Variants in FTO observed in about 807,000 individuals in gnomAD.
FTO encodes the protein alpha-ketoglutarate-dependent dioxygenase FTO.
In FTO, 47 loss-of-function variants were observed where a neutral mutation model predicts 63.9. The observed-to-expected ratio is 0.74, with a 90% CI of 0.58 to 0.94. FTO has a LOEUF of 0.94. Among genes scored for constraint, FTO ranks in the 40% least tolerant of loss-of-function variants. FTO has a pLI of 0.00. For missense variants in FTO, 562 were observed against 618.1 expected (o/e 0.91, Z 0.96); for synonymous variants, 207 against 224.4 (o/e 0.92, Z 0.69).
chr16:54,049,141 G>A (rs774668605), intron 8 of FTO, among the ~76,000 whole-genome samples: 1 of 152,148 alleles, frequency 6.6e-6, no homozygotes, highest in African/African-American at 2.4e-5. Flanking sequence ...CAGATGCCAG[G>A]TTATTTGTGA....
chr16:53,982,010 G>A (rs530144593), intron 8 of FTO: 1 of 152,110 alleles, frequency 6.6e-6, no homozygotes, highest in African/African-American at 2.4e-5. Flanking sequence ...AACCCAGGAG[G>A]TGAAGTTTGC....
chr16:53,793,361 G>A (rs1469453346), intron 1 of FTO, among the ~76,000 whole-genome samples: 2 of 151,890 alleles, frequency 1.3e-5, no homozygotes, highest in East Asian at 3.8e-4. Flanking sequence ...TAAAATTGAC[G>A]ATTATAGGTA....
chr16:54,053,367 C>A lies in FTO; in HGVS notation c.1365-58395C>A, dbSNP rs1305433631. 3.3e-5 allele frequency among the ~76,000 whole-genome samples: 5 copies of A among 152,190 alleles called. No individual in the cohort carries two copies. In the East Asian group the frequency reaches 9.6e-4, roughly 29 times the overall value. ...TGTCTCTTATCTCTGTCTTGCTTAA[C>A]TGGGACCAGTTCTTCCCCCTCCCTC... On this transcript the variant is annotated intron_variant, in intron 8 of 8. Transcript: ENST00000471389.
intron 8 of FTO, among the ~76,000 whole-genome samples, chr16:53,978,931 A>G (rs1424836388): frequency 1.3e-5 from 2 of 152,284 alleles, no homozygotes; most frequent in East Asian, 1.9e-4. Flanking sequence ...CTCAGGAGAC[A>G]GAAGTTGCAG....
chr16:53,713,525 G>A (rs2075825245), intron 1 of FTO, among the ~76,000 whole-genome samples: 2 of 152,088 alleles, frequency 1.3e-5, no homozygotes, highest in African/African-American at 4.8e-5. Flanking sequence ...TTGTCTCACT[G>A]GTTGATTTCA....
At chr16:54,016,698 A>G (rs1397519071) in intron 8 of FTO, among the ~76,000 whole-genome samples, 1 of 152,202 alleles carries the variant, frequency 6.6e-6, no homozygotes, top group Non-Finnish European at 1.5e-5. Context: ...AAGTGGGAAG[A>G]TATGAGGCTG....
At chr16:53,874,222 G>T (rs2080583871) in intron 5 of FTO, among the ~76,000 whole-genome samples, 1 of 152,206 alleles carries the variant, frequency 6.6e-6, no homozygotes, top group Non-Finnish European at 1.5e-5. Flanking sequence ...GCTTGTGCAT[G>T]TGTTAGCTGT....
At chr16:53,783,997 C>T (rs1170578864) in intron 1 of FTO, among the ~76,000 whole-genome samples, 1 of 152,070 alleles carries the variant, frequency 6.6e-6, no homozygotes, top group African/African-American at 2.4e-5. Context: ...GATTCTAAAC[C>T]AGGGCTGAGA....
chr16:53,895,725 G>C (rs2081264288), intron 7 of FTO, among the ~76,000 whole-genome samples: 1 of 152,150 alleles, frequency 6.6e-6, no homozygotes, highest in African/African-American at 2.4e-5. Context: ...CTGGTACCAA[G>C]TCCTAGGATG....
At chr16:54,097,845 G>A (rs1158973468) in intron 8 of FTO, among the ~76,000 whole-genome samples, 1 of 152,180 alleles carries the variant, frequency 6.6e-6, no homozygotes, top group Non-Finnish European at 1.5e-5. Flanking sequence ...GAGGGGAGAT[G>A]TTTGCTGTCC....
chr16:53,854,499 A>T (rs1345130911), intron 4 of FTO, among the ~76,000 whole-genome samples: 1 of 152,164 alleles, frequency 6.6e-6, no homozygotes, highest in Non-Finnish European at 1.5e-5. Context: ...ATCCAGTTTC[A>T]TTCTTCTACA....
At chr16:54,058,199 C>T (rs1483611325) in intron 8 of FTO, among the ~76,000 whole-genome samples, 1 of 152,136 alleles carries the variant, frequency 6.6e-6, no homozygotes, top group African/African-American at 2.4e-5. Flanking sequence ...ACCTCCGCCG[C>T]CTCCAGGGTT....
At chr16:54,076,191 T>C (rs963746831) in intron 8 of FTO, among the ~76,000 whole-genome samples, 9 of 152,206 alleles carry the variant, frequency 5.9e-5, no homozygotes, top group Non-Finnish European at 1.3e-4. Context: ...TTTTTAGTTA[T>C]CATTTGAGTG....
Position 53,826,412 on chromosome 16 carries a change from G to T in FTO, c.672G>T (p.Gly224=), listed in dbSNP as rs768476485. The T allele has an allele frequency of 6.2e-7, 1 of 1,614,180 alleles. No individual in the cohort carries two copies. Among genetic ancestry groups the T allele is most frequent in the Non-Finnish European group, 8.5e-7 (1 of 1,180,028 alleles). ...AAGAGGAACCTTATTTTGGCATGGG[G>T]AAAATGGCAGTGAGCTGGCATCATG... The part of the protein sequence containing the change: ...YLKEEPYFGM[G]KMAVSWHHDE... The change falls in exon 3 of 9, where the codon GGG becomes GGT. Residue 224 remains glycine (G), a synonymous_variant. Transcript: ENST00000471389.
intron 8 of FTO, among the ~76,000 whole-genome samples, chr16:54,074,133 C>T (rs1390925859): frequency 4.0e-5 from 6 of 151,418 alleles, no homozygotes; most frequent in Non-Finnish European, 7.4e-5. Context: ...TGAAATTTGA[C>T]GTTATGAAGA....
At chr16:53,943,933 G>C (rs963473799) in intron 8 of FTO, among the ~76,000 whole-genome samples, 2 of 152,108 alleles carry the variant, frequency 1.3e-5, no homozygotes, top group African/African-American at 4.8e-5. Context: ...CAAGACCTGC[G>C]TCACTTTAAA....
Position 53,822,676 on chromosome 16 carries a change from C to A in FTO, c.124-3188C>A, listed in dbSNP as rs564139606. Among the ~76,000 whole-genome samples, 119 of 151,968 alleles carry A rather than the reference C, an allele frequency of 7.8e-4. 1 individual carries two copies. Among genetic ancestry groups the A allele is most frequent in the African/African-American group, 2.8e-3 (117 of 41,438 alleles). On this transcript the variant is annotated intron_variant, in intron 2 of 8. Coordinates refer to ENST00000471389, the MANE Select transcript of FTO (RefSeq NM_001080432.3). The stretch of plus-strand genomic sequence containing the variant: ...GTTTTATAATAATATTCATATTAAA[C>A]CTATTTGTGTGTATATGTGTGTGTG...
intron 7 of FTO, among the ~76,000 whole-genome samples, chr16:53,926,896 T>A (rs2082154455): frequency 6.6e-6 from 1 of 151,934 alleles, no homozygotes; most frequent in Admixed American, 6.6e-5. Flanking sequence ...CAAATGCCAA[T>A]AACCGAAGCA....
intron 8 of FTO, among the ~76,000 whole-genome samples, chr16:54,085,980 T>C (rs1008400): frequency 0.53 from 80,277 of 151,942 alleles, 21,409 homozygotes; most frequent in Middle Eastern, 0.59. Context: ...ACTTCAGTTA[T>C]ATTCCCCAGT....
Sources: allele counts gnomAD v4.1 joint callset (sites outside exome capture counted in the v4.1 genomes callset), GRCh38; gene constraint gnomAD v4.1.1; transcripts MANE v1.5; gene names NCBI Gene and HGNC (gene_info 2026-07-23, HGNC 2026-07-21).